Variants in TJP1 observed in about 807,000 individuals in gnomAD.
The protein encoded by TJP1 is tight junction protein ZO-1.
A neutral mutation model predicts 194.2 loss-of-function variants in TJP1; 43 were observed. The ratio of observed to expected loss-of-function variants is 0.22; its 90% CI spans 0.17 to 0.29. The LOEUF (loss-of-function observed/expected upper bound fraction) is 0.29. TJP1 is among the 10% of genes least tolerant of loss of function. The probability of loss-of-function intolerance (pLI) is 1.00; values close to 1 mark genes in which losing one functional copy is unlikely to be tolerated. For missense variants in TJP1, 1,971 were observed against 2,185.7 expected (o/e 0.90, Z 1.96); for synonymous variants, 801 against 779.0 (o/e 1.03, Z -0.47).
intron 8 of TJP1, 25 bp from the exon 9 acceptor site, chr15:29,742,806 C>A: frequency 6.4e-7 from 1 of 1,560,830 alleles, no homozygotes; most frequent in South Asian, 1.3e-5. Context: ...AATAAAAAAT[C>A]AAGAGCATAA....
intron 2 of TJP1, among the ~76,000 whole-genome samples, chr15:29,933,808 G>A (rs1331445508): frequency 6.6e-6 from 1 of 152,132 alleles, no homozygotes; most frequent in Non-Finnish European, 1.5e-5. Context: ...AAAGCAGAGG[G>A]AGAGGATGGA....
intron 2 of TJP1, among the ~76,000 whole-genome samples, chr15:29,923,975 T>C (rs1484436868): frequency 2.0e-5 from 3 of 152,254 alleles, no homozygotes; most frequent in African/African-American, 4.8e-5. Context: ...CAGCTCTATA[T>C]TCATTTGTTA....
At chr15:29,793,892 ATTTGG>A (rs1315547083) in intron 2 of TJP1, among the ~76,000 whole-genome samples, 1 of 152,176 alleles carries the variant, frequency 6.6e-6, no homozygotes, top group African/African-American at 2.4e-5. Flanking sequence ...ATGTAGTTGA[ATTTGG>A]TTTAAGGATT....
chr15:29,860,410 G>A (rs1214621217), intron 2 of TJP1, among the ~76,000 whole-genome samples: 2 of 152,006 alleles, frequency 1.3e-5, no homozygotes, highest in African/African-American at 2.4e-5. Flanking sequence ...AAGACACTTC[G>A]CCCTTGCCCT....
In TJP1 at chr15:29,822,346, G is replaced by A. The variant is rs947926087; in HGVS notation, c.-318C>T. 102 of 1,059,746 alleles carry A rather than the reference G, an allele frequency of 9.6e-5. No homozygotes were observed. The highest frequency in any genetic ancestry group is 3.6e-4 in the South Asian group (8 of 21,992). The allele number at this position is 1,059,746 out of a possible 1,614,324, so 65.6% of individuals were successfully genotyped here. A position where few individuals can be genotyped will look rare whatever the true frequency, so the allele number is the denominator to read the frequency against. On this transcript the variant is annotated 5_prime_UTR_variant, in exon 1 of 28. Transcript: ENST00000614355. ...TCGCCCGGTCGCCCGCCCGTCAGCA[G>A]CACCCGTGGCCTCCCGGCGTCTCCT...
intron 2 of TJP1, among the ~76,000 whole-genome samples, chr15:29,833,856 A>ACTATATAT (rs2050913839): frequency 5.3e-5 from 2 of 37,486 alleles, no homozygotes; most frequent in Non-Finnish European, 1.1e-4. Flanking sequence ...AATTTTTGTA[A>ACTATATAT]GTATATATAT....
At chr15:29,800,551 C>T in intron 2 of TJP1, 95 bp downstream of exon 2, 1 of 1,212,718 alleles carries the variant, frequency 8.2e-7, no homozygotes, top group South Asian at 1.4e-5. Flanking sequence ...TTTCCTCCTC[C>T]CTCTGGCTTC....
chr15:29,754,656 C>G (rs969463156), intron 8 of TJP1, among the ~76,000 whole-genome samples: 7 of 152,274 alleles, frequency 4.6e-5, no homozygotes, highest in African/African-American at 1.2e-4. Flanking sequence ...TTAAGCATCC[C>G]TTGCCTAAAA....
intron 22 of TJP1, among the ~76,000 whole-genome samples, chr15:29,717,168 G>T (rs1743055967): frequency 6.6e-6 from 1 of 152,170 alleles, no homozygotes; most frequent in Admixed American, 6.5e-5. Context: ...ATCTTGAGAA[G>T]TACATATACC....
At chr15:29,724,328 A>G (rs1200038772) in intron 18 of TJP1, among the ~76,000 whole-genome samples, 1 of 152,208 alleles carries the variant, frequency 6.6e-6, no homozygotes, top group Non-Finnish European at 1.5e-5. Context: ...ACAAGTCTCA[A>G]TGGCTTCTCA....
At position 29,709,005 on chromosome 15, in the gene TJP1, G is replaced by C; in HGVS notation, c.4404C>G (p.Ser1468=). 2 of 1,612,142 alleles carry C rather than the reference G, an allele frequency of 1.2e-6. No homozygotes were observed. Among genetic ancestry groups the C allele is most frequent in the Non-Finnish European group, 1.7e-6 (2 of 1,179,184 alleles). The change falls in exon 25 of 28, where the codon TCC becomes TCG. Residue 1468 remains serine, a synonymous_variant. Transcript: ENST00000614355. ...GAGGTGGGTCTGGTTTGGACACTAAGGAATTCTGAAAATCCAATGACACTG... is the reference window on the plus strand; with the variant it reads ...GAGGTGGGTCTGGTTTGGACACTAACGAATTCTGAAAATCCAATGACACTG... The part of the protein sequence containing the change: ...GNSVSLDFQN[S]LVSKPDPPPS...
At chr15:29,914,986 C>G (rs1195150867) in intron 2 of TJP1, among the ~76,000 whole-genome samples, 3 of 152,136 alleles carry the variant, frequency 2.0e-5, no homozygotes, top group African/African-American at 7.2e-5. Context: ...TTACCGTAAC[C>G]AACAAATGAC....
intron 2 of TJP1, among the ~76,000 whole-genome samples, chr15:29,885,566 T>A (rs2152142339): frequency 6.6e-6 from 1 of 152,366 alleles, no homozygotes; most frequent in African/African-American, 2.4e-5. Context: ...TGCTAAGCTT[T>A]AAAAAACAAA....
Position 29,772,791 on chromosome 15 carries a change from G to C in TJP1, c.209+442C>G, listed in dbSNP as rs45460699. ...TTCCTTTATTTTCTTTGGAGACAGG[G>C]TCTCGCTCTGTCACTTGGGCTGGAG... On this transcript the variant is annotated intron_variant, in intron 3 of 27. Transcript: ENST00000614355. Among the ~76,000 whole-genome samples the C allele has an allele frequency of 3.9e-5, 6 of 152,234 alleles. No homozygotes were observed. In the East Asian group the frequency reaches 1.2e-3, roughly 29 times the overall value.
At chr15:29,787,269 C>T (rs1416955003) in intron 2 of TJP1, among the ~76,000 whole-genome samples, 1 of 152,138 alleles carries the variant, frequency 6.6e-6, no homozygotes, top group African/African-American at 2.4e-5. Flanking sequence ...ATTTGGACCC[C>T]TACCTCACAA....
chr15:29,967,324 C>G (rs1596340095), intron 1 of TJP1, among the ~76,000 whole-genome samples: 1 of 151,798 alleles, frequency 6.6e-6, no homozygotes, highest in Middle Eastern at 3.4e-3. Context: ...GTGTGAGCCA[C>G]TATACCCGGC....
At position 29,718,021 on chromosome 15, in the gene TJP1, C is replaced by T. The variant is rs2042673937; in HGVS notation, c.3974G>A (p.Arg1325Lys). 6.2e-7 allele frequency: 1 copy of T among 1,606,340 alleles called. No individual in the cohort carries two copies. The highest frequency in any genetic ancestry group is 2.2e-5 in the East Asian group (1 of 44,800). Residue 1325 changes from arginine (R) to lysine (K), a missense_variant and splice_region_variant, in exon 22 of 28, where the codon AGG becomes AAG. This residue lies in a region of TJP1 where 1,108 missense variants were observed against 1,128.5 expected (regional missense o/e 0.98). Transcript: ENST00000614355. ...QFSEHDKTLY[R>K]IPEPQKPQLK... Reference sequence around the variant, plus strand: ...CACAAAGAGCACAAAGTGTACTCACCTGTACAGAGTTTTGTCATGTTCACT... The same window carrying T: ...CACAAAGAGCACAAAGTGTACTCACTTGTACAGAGTTTTGTCATGTTCACT...
chr15:29,951,579 C>T (rs757130286), intron 2 of TJP1, among the ~76,000 whole-genome samples: 1 of 152,080 alleles, frequency 6.6e-6, no homozygotes, highest in African/African-American at 2.4e-5. Flanking sequence ...GATTTATTAA[C>T]CCAAAAATGT....
intron 2 of TJP1, among the ~76,000 whole-genome samples, chr15:29,892,452 A>G (rs895012644): frequency 5.3e-5 from 8 of 152,252 alleles, no homozygotes; most frequent in Non-Finnish European, 1.0e-4. Context: ...TTCGATGTAG[A>G]TGAAACAGCC....
Sources: gnomAD v4.1 joint callset for allele counts (sites outside exome capture counted in the v4.1 genomes callset) on GRCh38, gnomAD v4.1.1 for gene constraint, gnomAD v4.1.1 regional missense constraint, MANE v1.5 for transcripts, NCBI Gene and HGNC (gene_info 2026-07-23, HGNC 2026-07-21) for gene names.